Variants in TNNI3K observed in about 807,000 individuals in gnomAD.
The protein encoded by TNNI3K is serine/threonine-protein kinase TNNI3K.
Under a neutral mutation model 114.5 loss-of-function variants are expected in TNNI3K, and 140 were observed. That is an observed-to-expected ratio of 1.22 (90% CI 1.07 to 1.41). TNNI3K has a LOEUF of 1.41. Ranked by LOEUF, TNNI3K falls within the 40% of genes most tolerant of loss-of-function variation. The pLI is 0.00. For missense variants in TNNI3K, 1,125 were observed against 1,007.6 expected, an observed-to-expected ratio of 1.12 and a Z score of -1.58; for synonymous variants, 347 against 347.5, an observed-to-expected ratio of 1.00 and a Z score of 0.02.
At chr1:74,494,996 C>A (rs1297787232) in intron 23 of TNNI3K, among the ~76,000 whole-genome samples, 2 of 152,198 alleles carry the variant, frequency 1.3e-5, no homozygotes, top group African/African-American at 4.8e-5. Flanking sequence ...CTTCTCTAGC[C>A]TTCAAGAATC....
chr1:74,344,740 A>G (rs973861591), intron 9 of TNNI3K, among the ~76,000 whole-genome samples: 7 of 152,202 alleles, frequency 4.6e-5, no homozygotes, highest in Non-Finnish European at 8.8e-5. Flanking sequence ...GATTGTTTAT[A>G]TGAGAAGATT....
intron 21 of TNNI3K, among the ~76,000 whole-genome samples, chr1:74,478,243 C>A (rs564921941): frequency 5.3e-5 from 8 of 152,102 alleles, no homozygotes; most frequent in Non-Finnish European, 8.8e-5. Flanking sequence ...CAAAGCACTA[C>A]AATTTAACAA....
chr1:74,428,130 T>C (rs1665722095), intron 17 of TNNI3K, among the ~76,000 whole-genome samples: 1 of 152,080 alleles, frequency 6.6e-6, no homozygotes, highest in Non-Finnish European at 1.5e-5. Flanking sequence ...CCTTTGCATT[T>C]ATTGGAGTTT....
At chr1:74,432,145 T>C (rs1412826216) in intron 17 of TNNI3K, among the ~76,000 whole-genome samples, 1 of 152,110 alleles carries the variant, frequency 6.6e-6, no homozygotes, top group Non-Finnish European at 1.5e-5. Context: ...AAGTATAGTA[T>C]AAGTTAACCA....
At chr1:74,459,984 T>C (rs1475479253) in intron 20 of TNNI3K, among the ~76,000 whole-genome samples, 1 of 152,198 alleles carries the variant, frequency 6.6e-6, no homozygotes, top group African/African-American at 2.4e-5. Flanking sequence ...TTATATTAAA[T>C]AAAATTAAAC....
intron 17 of TNNI3K, chr1:74,375,239 A>G (rs1193975364): frequency 1.3e-5 from 2 of 158,322 alleles, no homozygotes; most frequent in East Asian, 1.8e-4. Context: ...AAAAACTACA[A>G]CTGAGAAAAT....
chr1:74,444,516 C>A (rs1298907716), intron 20 of TNNI3K, among the ~76,000 whole-genome samples: 1 of 152,000 alleles, frequency 6.6e-6, no homozygotes, highest in South Asian at 2.1e-4. Context: ...CAAACCACTG[C>A]TCAAAGAAAT....
rs544183013 is a variant in TNNI3K at position 74,376,828 on chromosome 1, A to T, written c.1772+6436A>T. 14 of 151,964 alleles carry T rather than the reference A, an allele frequency of 9.2e-5. No individual in the cohort carries two copies. The South Asian group carries it at 1.4e-3, about 16-fold the overall frequency. 9.4% of individuals were successfully genotyped at this position (151,964 alleles called of 1,614,324 possible). Reference sequence around the variant, plus strand: ...CATTTGGGGGCCTTCATTAAAAAAAAAAATAAAAGATTCAAAGACACTGAA... The same window carrying T: ...CATTTGGGGGCCTTCATTAAAAAAATAAATAAAAGATTCAAAGACACTGAA... On this transcript the variant is annotated intron_variant, in intron 17 of 24. Transcript: ENST00000326637.
At chr1:74,394,273 T>C (rs1663956839) in intron 17 of TNNI3K, among the ~76,000 whole-genome samples, 1 of 152,248 alleles carries the variant, frequency 6.6e-6, no homozygotes, top group Non-Finnish European at 1.5e-5. Context: ...TGTTGCAATC[T>C]CTTTTAGTAT....
intron 17 of TNNI3K, chr1:74,371,270 T>C (rs981553362): frequency 6.6e-6 from 1 of 151,900 alleles, no homozygotes; most frequent in Non-Finnish European, 1.5e-5. Flanking sequence ...TCAACAACTA[T>C]GTTTGAACAT....
intron 17 of TNNI3K, chr1:74,378,540 G>A (rs1033319546): frequency 2.8e-5 from 4 of 144,428 alleles, no homozygotes; most frequent in African/African-American, 1.0e-4. Flanking sequence ...ATGACATGTT[G>A]TATGGGCCAG....
intron 5 of TNNI3K, among the ~76,000 whole-genome samples, chr1:74,305,181 G>A (rs985519752): frequency 4.6e-5 from 7 of 152,116 alleles, no homozygotes; most frequent in Admixed American, 3.9e-4. Flanking sequence ...TTCATGTATT[G>A]TGTTTTGGTC....
At chr1:74,333,893 T>C (rs1660338929) in intron 6 of TNNI3K, among the ~76,000 whole-genome samples, 1 of 152,174 alleles carries the variant, frequency 6.6e-6, no homozygotes, top group African/African-American at 2.4e-5. Context: ...TCTGTGTAAG[T>C]GGAAATATCT....
intron 20 of TNNI3K, among the ~76,000 whole-genome samples, chr1:74,454,284 C>G (rs1052455240): frequency 6.6e-6 from 1 of 152,088 alleles, no homozygotes; most frequent in African/African-American, 2.4e-5. Context: ...TATAGTCACT[C>G]CATTATGCTA....
chr1:74,413,689 T>C (rs1435749221), intron 17 of TNNI3K, among the ~76,000 whole-genome samples: 1 of 152,156 alleles, frequency 6.6e-6, no homozygotes, highest in Non-Finnish European at 1.5e-5. Flanking sequence ...GCGCCGAAAA[T>C]TTACGATTAT....
intron 23 of TNNI3K, among the ~76,000 whole-genome samples, chr1:74,526,219 G>A (rs142422130): frequency 6.6e-6 from 1 of 152,132 alleles, no homozygotes; most frequent in Non-Finnish European, 1.5e-5. Flanking sequence ...TTGCAGGGAT[G>A]TGAATTCACA....
intron 5 of TNNI3K, among the ~76,000 whole-genome samples, chr1:74,298,969 C>T (rs1027604782): frequency 1.3e-5 from 2 of 151,966 alleles, no homozygotes; most frequent in Non-Finnish European, 2.9e-5. Context: ...ATAGGAAACA[C>T]GGTGAAAGGA....
At chr1:74,447,050 T>G (rs1309505161) in intron 20 of TNNI3K, among the ~76,000 whole-genome samples, 2 of 146,768 alleles carry the variant, frequency 1.4e-5, no homozygotes, top group African/African-American at 2.5e-5. Flanking sequence ...ATATGAACTT[T>G]AAAGTAGTTT....
chr1:74,376,245 T>A (rs1570543251), intron 17 of TNNI3K, among the ~76,000 whole-genome samples: 2 of 151,988 alleles, frequency 1.3e-5, no homozygotes, highest in South Asian at 4.1e-4. Context: ...TGCCTCTCAG[T>A]TGAATGCAAA....
Sources: allele counts gnomAD v4.1 joint callset (sites outside exome capture counted in the v4.1 genomes callset), GRCh38; gene constraint gnomAD v4.1.1; transcripts MANE v1.5; gene names NCBI Gene and HGNC (gene_info 2026-07-23, HGNC 2026-07-21).